Variants in RGS6 observed in about 807,000 individuals in gnomAD.
RGS6 encodes regulator of G protein signaling 6, also known as regulator of G-protein signaling 6.
A neutral mutation model predicts 78.5 loss-of-function variants in RGS6; 30 were observed. The observed-to-expected ratio is 0.38, with a 90% CI of 0.29 to 0.52. The LOEUF (loss-of-function observed/expected upper bound fraction) is 0.52. Ranked by LOEUF, RGS6 falls within the 20% of genes least tolerant of loss-of-function variation. The pLI is 0.85. For synonymous variants in RGS6, 206 were observed against 206.0 expected, an observed-to-expected ratio of 1.00 and a Z score of 0.00; for missense variants, 495 against 609.7, an observed-to-expected ratio of 0.81 and a Z score of 1.98.
intron 3 of RGS6, among the ~76,000 whole-genome samples, chr14:72,396,717 T>C (rs1566727016): frequency 6.6e-6 from 1 of 152,168 alleles, no homozygotes; most frequent in Non-Finnish European, 1.5e-5. Flanking sequence ...GAATTAATTT[T>C]TGTATAAGGT....
the RGS6 span, among the ~76,000 whole-genome samples, chr14:72,591,207 T>C: frequency 1.2e-4 from 19 of 152,202 alleles, no homozygotes; most frequent in African/African-American, 3.6e-4. Context: ...CGAAAACCCG[T>C]TATATAAAGA....
chr14:72,405,434 A>G (rs2092830893), intron 3 of RGS6, among the ~76,000 whole-genome samples: 1 of 152,188 alleles, frequency 6.6e-6, no homozygotes, highest in Admixed American at 6.5e-5. Flanking sequence ...AAGGACATCA[A>G]ACACAGCAAA....
At chr14:71,993,221 A>G (rs944136934) in intron 2 of RGS6, among the ~76,000 whole-genome samples, 2 of 152,230 alleles carry the variant, frequency 1.3e-5, no homozygotes, top group Non-Finnish European at 2.9e-5. Context: ...CTTAAGTACT[A>G]GAATTTGTGT....
intron 2 of RGS6, among the ~76,000 whole-genome samples, chr14:71,972,345 T>TG (rs1284985300): frequency 3.2e-5 from 1 of 31,656 alleles, no homozygotes; most frequent in Non-Finnish European, 7.2e-5. Context: ...TTTCTGAGTG[T>TG]TTTTTTTTTA....
At chr14:72,524,973 GC>G (rs1033239682) in intron 15 of RGS6, among the ~76,000 whole-genome samples, 3 of 152,158 alleles carry the variant, frequency 2.0e-5, no homozygotes, top group African/African-American at 7.2e-5. Flanking sequence ...CTGCTAAGAT[GC>G]CCCACCCTGC....
At chr14:72,383,492 C>T (rs1289363881) in intron 3 of RGS6, among the ~76,000 whole-genome samples, 2 of 152,040 alleles carry the variant, frequency 1.3e-5, no homozygotes, top group Non-Finnish European at 2.9e-5. Flanking sequence ...TGTCAAGATT[C>T]TGTAAACCTG....
intron 2 of RGS6, among the ~76,000 whole-genome samples, chr14:72,156,242 C>T (rs990284189): frequency 4.6e-5 from 7 of 151,932 alleles, no homozygotes; most frequent in African/African-American, 1.5e-4. Flanking sequence ...GTCAAGAGTT[C>T]GAGAACAGCC....
intron 17 of RGS6, chr14:72,541,049 A>G: frequency 1.5e-6 from 2 of 1,331,398 alleles, no homozygotes; most frequent in South Asian, 1.2e-5. Context: ...GAAATACTCA[A>G]TCCCGCTCAA....
intron 2 of RGS6, among the ~76,000 whole-genome samples, chr14:71,983,882 G>A (rs546069513): frequency 9.2e-5 from 14 of 152,272 alleles, no homozygotes; most frequent in African/African-American, 1.7e-4. Flanking sequence ...GTTTATCACC[G>A]CGTGAAGCTT....
intron 2 of RGS6, among the ~76,000 whole-genome samples, chr14:72,324,773 G>A (rs528669992): frequency 6.6e-6 from 1 of 152,124 alleles, no homozygotes; most frequent in East Asian, 1.9e-4. Context: ...CATTTGGGTT[G>A]GTTCCAAGTC....
At chr14:71,908,938 T>C in the RGS6 span, among the ~76,000 whole-genome samples, 1 of 152,196 alleles carries the variant, frequency 6.6e-6, no homozygotes, top group African/African-American at 2.4e-5. Context: ...ACAGAATATT[T>C]ATGGCCATAC....
chr14:72,379,666 G>T (rs1187320614), intron 3 of RGS6, among the ~76,000 whole-genome samples: 1 of 152,014 alleles, frequency 6.6e-6, no homozygotes, highest in African/African-American at 2.4e-5. Flanking sequence ...ACTGATGAAA[G>T]AAGTTGAAGA....
At chr14:72,193,790 G>A (rs573173779) in intron 2 of RGS6, among the ~76,000 whole-genome samples, 1 of 152,230 alleles carries the variant, frequency 6.6e-6, no homozygotes, top group South Asian at 2.1e-4. Flanking sequence ...GTATATGGCT[G>A]GTAGAAAACT....
At chr14:71,875,647 A>C in the RGS6 span, among the ~76,000 whole-genome samples, 5 of 152,020 alleles carry the variant, frequency 3.3e-5, no homozygotes, top group Non-Finnish European at 5.9e-5. Flanking sequence ...TATCTCCTTC[A>C]GTTCTGCTCT....
chr14:72,494,139 GT>G (rs2096613560), intron 12 of RGS6, among the ~76,000 whole-genome samples: 1 of 152,228 alleles, frequency 6.6e-6, no homozygotes, highest in Non-Finnish European at 1.5e-5. Context: ...ATTATTTGAT[GT>G]GTTTAAGGTA....
chr14:71,882,382 C>G, the RGS6 span, among the ~76,000 whole-genome samples: 1 of 152,154 alleles, frequency 6.6e-6, no homozygotes, highest in African/African-American at 2.4e-5. Flanking sequence ...GTTGCTTCCC[C>G]CTTTTGGCAA....
At chr14:72,169,623 C>T (rs2096981589) in intron 2 of RGS6, among the ~76,000 whole-genome samples, 1 of 152,118 alleles carries the variant, frequency 6.6e-6, no homozygotes, top group African/African-American at 2.4e-5. Flanking sequence ...CTTTTCTTAT[C>T]GTGGCAGAGA....
chr14:72,353,693 A>G (rs568427687), intron 3 of RGS6, among the ~76,000 whole-genome samples: 3 of 152,234 alleles, frequency 2.0e-5, no homozygotes, highest in Non-Finnish European at 2.9e-5. Flanking sequence ...GCCAAAATTC[A>G]TGGAACAGGC....
At chr14:72,008,670 C>T (rs2085062788) in intron 2 of RGS6, among the ~76,000 whole-genome samples, 1 of 152,156 alleles carries the variant, frequency 6.6e-6, no homozygotes, top group South Asian at 2.1e-4. Flanking sequence ...AAGCCAGCTG[C>T]CATAAGTTGA....
Sources: gnomAD v4.1 joint callset for allele counts (sites outside exome capture counted in the v4.1 genomes callset) on GRCh38, gnomAD v4.1.1 for gene constraint, MANE v1.5 for transcripts, NCBI Gene and HGNC (gene_info 2026-07-23, HGNC 2026-07-21) for gene names.